RBFOX1: variants seen among roughly 807,000 people sequenced by gnomAD.
RBFOX1 encodes RNA binding fox-1 homolog 1.
Under a neutral mutation model 57.7 loss-of-function variants are expected in RBFOX1, and 8 were observed. The ratio of observed to expected loss-of-function variants is 0.14; its 90% confidence interval spans 0.08 to 0.25. The LOEUF is 0.25. Ranked by LOEUF, RBFOX1 falls within the 10% of genes least tolerant of loss-of-function variation. RBFOX1 has a pLI of 1.00. For missense variants in RBFOX1, 611 were observed against 548.5 expected (o/e 1.11, Z -1.14); for synonymous variants, 326 against 222.4 (o/e 1.47, Z -4.15).
intron 3 of RBFOX1, among the ~76,000 whole-genome samples, chr16:5,827,418 AAAAG>A (rs1310506645): frequency 2.0e-5 from 3 of 150,546 alleles, no homozygotes; most frequent in Non-Finnish European, 3.0e-5. Flanking sequence ...AAAAAAAAAA[AAAAG>A]AAAAGAAAAA....
In RBFOX1 at chr16:7,366,426, C is replaced by T. The variant is rs181898597; in HGVS notation, c.28-151721C>T. Among the ~76,000 whole-genome samples the T allele has an allele frequency of 2.4e-3, 369 of 152,230 alleles. 4 individuals carry two copies. Among genetic ancestry groups the T allele is most frequent in the Non-Finnish European group, 6.6e-4 (45 of 68,024 alleles). The stretch of plus-strand genomic sequence containing the variant: ...CATTTATGGCTGAGCCGAGTTTGGC[C>T]TTGAAAAAAATCATCCGGTCCAGCC... On this transcript the variant is annotated intron_variant, in intron 4 of 15. Coordinates refer to ENST00000550418, the MANE Select transcript of RBFOX1 (RefSeq NM_018723.4).
intron 1 of RBFOX1, among the ~76,000 whole-genome samples, chr16:6,139,991 G>A (rs57432210): frequency 0.031 from 4,683 of 152,196 alleles, 257 homozygotes; most frequent in African/African-American, 0.11. Context: ...GATTCAGCTG[G>A]AAAAAATACG....
At chr16:5,276,715 A>G (rs756865885) in intron 1 of RBFOX1, among the ~76,000 whole-genome samples, 1 of 152,166 alleles carries the variant, frequency 6.6e-6, no homozygotes, top group Non-Finnish European at 1.5e-5. Context: ...CCCAGGATGC[A>G]AGGTTGCAGT....
At chr16:5,566,338 T>A (rs1056684364) in intron 2 of RBFOX1, among the ~76,000 whole-genome samples, 3 of 152,108 alleles carry the variant, frequency 2.0e-5, no homozygotes, top group Non-Finnish European at 4.4e-5. Flanking sequence ...AGACCGTTGA[T>A]GTATAATCAC....
chr16:6,212,730 A>AG (rs1567690126), intron 1 of RBFOX1, among the ~76,000 whole-genome samples: 2 of 107,778 alleles, frequency 1.9e-5, no homozygotes, highest in Non-Finnish European at 4.1e-5. Context: ...CAAACAAACA[A>AG]AAAAAAAACC....
chr16:7,230,611 C>T (rs1031802196), intron 4 of RBFOX1, among the ~76,000 whole-genome samples: 1 of 152,242 alleles, frequency 6.6e-6, no homozygotes, highest in East Asian at 1.9e-4. Context: ...TGGCATTGGG[C>T]ACTACCACTA....
At chr16:7,391,364 C>G (rs565985271) in intron 4 of RBFOX1, among the ~76,000 whole-genome samples, 13 of 152,164 alleles carry the variant, frequency 8.5e-5, no homozygotes, top group Non-Finnish European at 1.3e-4. Context: ...CCCAAGATCT[C>G]CAAGGATACC....
intron 4 of RBFOX1, among the ~76,000 whole-genome samples, chr16:7,079,576 CTG>C (rs924265692): frequency 2.6e-5 from 4 of 152,252 alleles, no homozygotes; most frequent in Admixed American, 6.5e-5. Flanking sequence ...TTCTCTCCCT[CTG>C]TATAAAGAAA....
At chr16:6,911,636 G>C (rs903137136) in intron 3 of RBFOX1, among the ~76,000 whole-genome samples, 2 of 152,108 alleles carry the variant, frequency 1.3e-5, no homozygotes, top group African/African-American at 4.8e-5. Flanking sequence ...GATCCTAAGG[G>C]GTTGGGCTTC....
At chr16:7,252,393 G>A (rs111927714) in intron 4 of RBFOX1, among the ~76,000 whole-genome samples, 1,746 of 152,344 alleles carry the variant, frequency 0.011, 20 homozygotes, top group Middle Eastern at 0.017. Context: ...ATCTGGCTGG[G>A]GCAGAGGTCT....
At chr16:6,055,456 T>G (rs2095602922) in intron 1 of RBFOX1, among the ~76,000 whole-genome samples, 2 of 151,480 alleles carry the variant, frequency 1.3e-5, no homozygotes, top group African/African-American at 2.4e-5. Flanking sequence ...AGCGAGGTGT[T>G]GTGGTGCGTG....
At chr16:7,700,131 G>C (rs1253045154) in intron 14 of RBFOX1, among the ~76,000 whole-genome samples, 1 of 152,028 alleles carries the variant, frequency 6.6e-6, no homozygotes, top group Non-Finnish European at 1.5e-5. Flanking sequence ...CAGTACATAA[G>C]ACTTTGGATC....
chr16:6,106,304 A>AC (rs200308292), intron 1 of RBFOX1, among the ~76,000 whole-genome samples: 188 of 15,774 alleles, frequency 0.012, 1 homozygote, highest in African/African-American at 0.089. Flanking sequence ...GTAAAAATAC[A>AC]AAAAAAATTA....
intron 3 of RBFOX1, among the ~76,000 whole-genome samples, chr16:6,753,634 GA>G (rs1568467011): frequency 6.6e-6 from 1 of 152,152 alleles, no homozygotes; most frequent in Non-Finnish European, 1.5e-5. Context: ...GCGAAAGGGA[GA>G]AAAAGAAACG....
rs191975646 is a variant in RBFOX1, at chr16:5,545,917, T to C, written c.259-52985T>C. Among the ~76,000 whole-genome samples, 343 of 152,250 alleles carry C rather than the reference T, an allele frequency of 2.3e-3. 1 individual carries two copies. Among genetic ancestry groups the C allele is most frequent in the Non-Finnish European group, 3.7e-3 (254 of 68,002 alleles). ...TATTTACAGATAGCAAGATCTATTA[T>C]AAAATCCAGTGAGATCTAAAAACTT... On this transcript the variant is annotated intron_variant, in intron 2 of 2. Coordinates refer to the RBFOX1 transcript ENST00000585867.
chr16:7,017,340 C>A (rs551117006), intron 3 of RBFOX1, among the ~76,000 whole-genome samples: 1 of 152,052 alleles, frequency 6.6e-6, no homozygotes, highest in Admixed American at 6.6e-5. Flanking sequence ...TCTATCTTGG[C>A]GGGTGCATAT....
intron 4 of RBFOX1, among the ~76,000 whole-genome samples, chr16:5,949,312 G>C (rs912057298): frequency 6.6e-6 from 1 of 151,824 alleles, no homozygotes; most frequent in Non-Finnish European, 1.5e-5. Flanking sequence ...CGATCACGAG[G>C]TCAGGAGATC....
chr16:5,428,862 G>A (rs1250657879), intron 1 of RBFOX1, among the ~76,000 whole-genome samples: 1 of 152,182 alleles, frequency 6.6e-6, no homozygotes, highest in African/African-American at 2.4e-5. Context: ...GCATATGGAA[G>A]CCTTTTTTTC....
At chr16:6,978,797 GC>G (rs1435645469) in intron 3 of RBFOX1, among the ~76,000 whole-genome samples, 1 of 152,182 alleles carries the variant, frequency 6.6e-6, no homozygotes, top group Non-Finnish European at 1.5e-5. Context: ...ATGCTCTGTG[GC>G]TACAATACAT....
Sources: gnomAD v4.1 joint callset for allele counts (sites outside exome capture counted in the v4.1 genomes callset) on GRCh38, gnomAD v4.1.1 for gene constraint, MANE v1.5 for transcripts, NCBI Gene and HGNC (gene_info 2026-07-23, HGNC 2026-07-21) for gene names.